Variants in STK40 observed in about 807,000 individuals in gnomAD.
STK40 encodes serine/threonine kinase 40.
In STK40, 13 loss-of-function variants were observed where a neutral mutation model predicts 47.9. The observed-to-expected ratio is 0.27, with a 90% CI of 0.18 to 0.43. The LOEUF (loss-of-function observed/expected upper bound fraction) is 0.43. Ranked by LOEUF, STK40 falls within the 20% of genes least tolerant of loss-of-function variation. STK40 has a pLI of 1.00. For missense variants in STK40, 460 were observed against 595.1 expected (o/e 0.77, Z 2.36); for synonymous variants, 225 against 243.2 (o/e 0.93, Z 0.69).
chr1:36,353,433 G>A (rs979565729), intron 6 of STK40, among the ~76,000 whole-genome samples: 1 of 152,124 alleles, frequency 6.6e-6, no homozygotes, highest in Non-Finnish European at 1.5e-5. Flanking sequence ...CTGTCGAGGC[G>A]GGATGACAAC....
intron 4 of STK40, among the ~76,000 whole-genome samples, chr1:36,356,638 T>A (rs4652908): frequency 6.6e-6 from 1 of 151,644 alleles, no homozygotes; most frequent in Non-Finnish European, 1.5e-5. Context: ...TGTTAGCCAG[T>A]ATGGTCTCAA....
chr1:36,344,007 T>G (rs200843220), intron 8 of STK40, 28 bp from the exon 9 acceptor site: 1 of 1,596,832 alleles, frequency 6.3e-7, no homozygotes, highest in South Asian at 1.1e-5. Flanking sequence ...GGAGGAGGGC[T>G]CAGTGGGTGG....
chr1:36,342,183 C>T (rs1020613486), intron 10 of STK40: 19 of 587,294 alleles, frequency 3.2e-5, no homozygotes, highest in African/African-American at 1.1e-4. Flanking sequence ...CCTTGCAGGC[C>T]GCCCTGCGGA....
intron 1 of STK40, among the ~76,000 whole-genome samples, chr1:36,367,017 T>G (rs1646908474): frequency 6.6e-6 from 1 of 150,990 alleles, no homozygotes; most frequent in Non-Finnish European, 1.5e-5. Context: ...TTTTTTTTTT[T>G]TTGTATTTTT....
At chr1:36,352,809 T>C (rs1646770624) in intron 6 of STK40, among the ~76,000 whole-genome samples, 1 of 152,206 alleles carries the variant, frequency 6.6e-6, no homozygotes, top group Admixed American at 6.5e-5. Context: ...CAGTACACCA[T>C]CAGATGGTGG....
At chr1:36,358,146 C>T (rs999789527) in intron 4 of STK40, 93 bp downstream of exon 4, 15 of 1,431,172 alleles carry the variant, frequency 1.0e-5, no homozygotes, top group African/African-American at 4.3e-5. Context: ...CCAAGGGTCA[C>T]GTGAGCTGCT....
rs746138500 is a variant in STK40 at position 36,343,396 on chromosome 1, C to T, written c.1057G>A (p.Asp353Asn). 6.2e-7 allele frequency: 1 copy of T among 1,613,664 alleles called. No individual in the cohort carries two copies. Among genetic ancestry groups the T allele is most frequent in the South Asian group, 1.1e-5 (1 of 90,876 alleles). ...GAGCTATCCGCATTGCTCATTTGGTCATCAATGTCAGGAACCACTTGCAAA... is the reference window on the plus strand; with the variant it reads ...GAGCTATCCGCATTGCTCATTTGGTTATCAATGTCAGGAACCACTTGCAAA... ...GPLQVVPDID[D>N]QMSNADSSQE... The change falls in exon 10 of 11, where the codon GAC (aspartate) becomes AAC (asparagine). Residue 353 changes from aspartate (D) to asparagine (N), a missense_variant. Physicochemically the swap from Asp to Asn is conservative, Grantham distance 23. Coordinates refer to ENST00000373132, the MANE Select transcript of STK40 (RefSeq NM_001282547.2).
intron 1 of STK40, among the ~76,000 whole-genome samples, chr1:36,383,718 T>G (rs1647060399): frequency 6.6e-6 from 1 of 152,234 alleles, no homozygotes; most frequent in Non-Finnish European, 1.5e-5. Context: ...ATTGCTAATA[T>G]GGCATTCTTT....
At chr1:36,367,013 T>A (rs1023419085) in intron 1 of STK40, among the ~76,000 whole-genome samples, 2 of 150,574 alleles carry the variant, frequency 1.3e-5, no homozygotes, top group Admixed American at 6.6e-5. Flanking sequence ...TTTTTTTTTT[T>A]TTTTTTGTAT....
intron 1 of STK40, among the ~76,000 whole-genome samples, chr1:36,366,837 T>A (rs1398379951): frequency 8.1e-5 from 11 of 135,290 alleles, no homozygotes; most frequent in Non-Finnish European, 1.8e-4. Flanking sequence ...CTTCTTCTTC[T>A]TTTTTTTTTT....
Position 36,343,454 on chromosome 1 carries a change from G to A in STK40, c.1005-6C>T, listed in dbSNP as rs573426785. On this transcript the variant is annotated splice_polypyrimidine_tract_variant and splice_region_variant and intron_variant, in intron 9 of 10. Transcript: ENST00000373132. ...TCAGAGATGACAGGGACTGCCTGCA[G>A]GGAGGCAGACAGGTCAGGCTGGCCC... 162 of 1,612,162 alleles carry A rather than the reference G, an allele frequency of 1.0e-4. 1 individual carries two copies. In the South Asian group the frequency reaches 1.7e-3, roughly 16 times the overall value.
At chr1:36,381,841 C>T (rs551880596) in intron 1 of STK40, among the ~76,000 whole-genome samples, 2 of 152,220 alleles carry the variant, frequency 1.3e-5, no homozygotes, top group South Asian at 4.1e-4. Flanking sequence ...CCTCCTCATC[C>T]TAGAGCTCGA....
chr1:36,343,279 C>T, intron 10 of STK40, 85 bp downstream of exon 10: 2 of 1,424,024 alleles, frequency 1.4e-6, no homozygotes, highest in Non-Finnish European at 1.9e-6. Flanking sequence ...CTGCGGGTAG[C>T]TGCCACCTCT....
chr1:36,374,601 T>C (rs1646976236), intron 1 of STK40, among the ~76,000 whole-genome samples: 1 of 152,198 alleles, frequency 6.6e-6, no homozygotes, highest in African/African-American at 2.4e-5. Flanking sequence ...AATCTGTCAC[T>C]GTGTGTGGGT....
At position 36,358,806 on chromosome 1, in the gene STK40, G is replaced by A. The variant is rs1179880789; in HGVS notation, c.129C>T (p.Asn43=). ...ACTGCACTATGCTTGGCACCGGTGA[G>A]TTGCCCAGACGGGGACCTACGGCAC... is the stretch of plus-strand genomic sequence containing the variant. ...GPFILGPRLG[N]SPVPSIVQCL... is the part of the protein sequence containing the mutation. Residue 43 remains asparagine (N), a synonymous_variant, in exon 3 of 11, where the codon AAC becomes AAT. Coordinates refer to ENST00000373132, the MANE Select transcript of STK40 (RefSeq NM_001282547.2). 1.9e-6 allele frequency: 3 copies of A among 1,614,008 alleles called. No individual in the cohort carries two copies. The highest frequency in any genetic ancestry group is 2.5e-6 in the Non-Finnish European group (3 of 1,180,020).
At chr1:36,370,594 A>G (rs1306356216) in intron 1 of STK40, among the ~76,000 whole-genome samples, 1 of 152,208 alleles carries the variant, frequency 6.6e-6, no homozygotes, top group Non-Finnish European at 1.5e-5. Flanking sequence ...CGTGCACACT[A>G]GGTGGCTGCC....
Position 36,341,601 on chromosome 1 carries a change from C to A in STK40, c.*154G>T. ...AAAAGGTAGCTTCGTGGTACCTCTG[C>A]TGACCCCACGTGTGACCTGGGCTGT... On this transcript the variant is annotated 3_prime_UTR_variant, in exon 11 of 11. Transcript: ENST00000373132. 1.2e-6 allele frequency: 1 copy of A among 841,270 alleles called. No homozygotes were observed. The highest frequency in any genetic ancestry group is 2.8e-5 in the Admixed American group (1 of 35,392). The allele number at this position is 841,270 out of a possible 1,614,324, so 52.1% of individuals were successfully genotyped here. A position where few individuals can be genotyped will look rare whatever the true frequency, so the allele number is the denominator to read the frequency against.
At chr1:36,354,697 C>A (rs771614556) in intron 5 of STK40, among the ~76,000 whole-genome samples, 4 of 152,112 alleles carry the variant, frequency 2.6e-5, no homozygotes, top group Non-Finnish European at 5.9e-5. Context: ...GAAAGTCACT[C>A]ATTTTTTCCC....
chr1:36,348,921 A>T, intron 6 of STK40, 106 bp from the exon 7 acceptor site: 1 of 947,414 alleles, frequency 1.1e-6, no homozygotes, highest in Non-Finnish European at 1.6e-6. Context: ...CCTGAACAGT[A>T]GGAGGTAGGC....
Sources: gnomAD v4.1 joint callset for allele counts (sites outside exome capture counted in the v4.1 genomes callset) on GRCh38, gnomAD v4.1.1 for gene constraint, MANE v1.5 for transcripts, NCBI Gene and HGNC (gene_info 2026-07-23, HGNC 2026-07-21) for gene names.